MTMR8: variants seen among roughly 807,000 people sequenced by gnomAD.
MTMR8 encodes phosphatidylinositol-3,5-bisphosphate 3-phosphatase MTMR8.
In MTMR8, 65 loss-of-function variants were observed where a neutral mutation model predicts 39.3. The observed-to-expected ratio is 1.65, with a 90% CI of 1.35 to 2.03. The LOEUF (loss-of-function observed/expected upper bound fraction) is 2.03, where lower values mean the gene tolerates loss of function less well. MTMR8 is among the 30% of genes most tolerant of loss of function. The probability of loss-of-function intolerance (pLI) is 0.00; values close to 1 mark genes in which losing one functional copy is unlikely to be tolerated. For synonymous variants in MTMR8, 245 were observed against 185.2 expected, an observed-to-expected ratio of 1.32 and a Z score of -2.62; for missense variants, 777 against 538.9, an observed-to-expected ratio of 1.44 and a Z score of -4.37.
chrX:64,331,497 C>T lies in MTMR8; in HGVS notation c.1352+60G>A, dbSNP rs1208218928. The T allele has an allele frequency of 1.9e-5, 20 of 1,064,573 alleles. No homozygotes were observed. In the East Asian group the frequency reaches 6.0e-4, roughly 32 times the overall value. 87.7% of individuals were successfully genotyped at this position (1,064,573 alleles called of 1,213,427 possible). On this transcript the variant is annotated intron_variant, in intron 11 of 13. Transcript: ENST00000374852. Reference sequence around the variant, plus strand: ...TATGCCAAATTCAGGGTGGTAGGTACATTCTTTTTGCACTGACCACCTTCT... The same window carrying T: ...TATGCCAAATTCAGGGTGGTAGGTATATTCTTTTTGCACTGACCACCTTCT...
intron 11 of MTMR8, 169 bp downstream of exon 11, chrX:64,331,388 T>A (rs1262798530): frequency 2.6e-5 from 12 of 454,143 alleles, no homozygotes; most frequent in Non-Finnish European, 4.3e-5. Context: ...CTTAGGGTTC[T>A]GAGAGATCTC....
At chrX:64,269,067 T>A (rs760734201) in intron 13 of MTMR8, 24 bp from the exon 14 acceptor site, 1 of 1,192,119 alleles carries the variant, frequency 8.4e-7, no homozygotes, top group Non-Finnish European at 1.1e-6. Flanking sequence ...AAGAAAGGGT[T>A]GAGAAGAATT....
chrX:64,304,958 A>G (rs1249625295), intron 12 of MTMR8: 2 of 89,938 alleles, frequency 2.2e-5, no homozygotes, highest in Non-Finnish European at 4.3e-5. Flanking sequence ...ATAAACATAT[A>G]TATATGTATA....
At chrX:64,359,565 C>A (rs757200070) in intron 1 of MTMR8, 38 bp from the exon 2 acceptor site, 2 of 1,165,556 alleles carry the variant, frequency 1.7e-6, no homozygotes, top group South Asian at 1.9e-5. Context: ...AAGTTACCAA[C>A]TCACCACCTA....
At chrX:64,377,981 C>T (rs1306036180) in intron 1 of MTMR8, among the ~76,000 whole-genome samples, 1 of 111,638 alleles carries the variant, frequency 9.0e-6, no homozygotes, top group Non-Finnish European at 1.9e-5. Context: ...TCCCCTTTTG[C>T]TCTGTCTCTC....
intron 12 of MTMR8, chrX:64,305,874 G>T: frequency 3.8e-6 from 1 of 266,102 alleles, no homozygotes; most frequent in Admixed American, 4.9e-5. Context: ...CTAGCACTTT[G>T]GGAGGCTGAG....
intron 12 of MTMR8, among the ~76,000 whole-genome samples, chrX:64,294,970 A>G (rs1447693127): frequency 9.0e-6 from 1 of 111,228 alleles, no homozygotes; most frequent in African/African-American, 3.3e-5. Flanking sequence ...TACCTTTGGA[A>G]CTCAGAAGGG....
Position 64,395,430 on chromosome X carries a change from C to T in MTMR8, c.-67G>A. ...GATGCCGCCGCCACCGGTCTAGCCG[C>T]CTCCTGCCTCAACCCGGGTTTCTAC... On this transcript the variant is annotated 5_prime_UTR_variant, in exon 1 of 14. Coordinates refer to ENST00000374852, the MANE Select transcript of MTMR8 (RefSeq NM_017677.4). The T allele has an allele frequency of 8.9e-7, 1 of 1,126,639 alleles. No homozygotes were observed. The highest frequency in any genetic ancestry group is 1.2e-6 in the Non-Finnish European group (1 of 823,519). 92.8% of individuals were successfully genotyped at this position (1,126,639 alleles called of 1,213,427 possible). A position where few individuals can be genotyped will look rare whatever the true frequency, so the allele number is the denominator to read the frequency against.
At chrX:64,395,164 C>A (rs1244233585) in intron 1 of MTMR8, among the ~76,000 whole-genome samples, 176 bp downstream of exon 1, 1 of 111,100 alleles carries the variant, frequency 9.0e-6, no homozygotes, top group African/African-American at 3.3e-5. Flanking sequence ...GCAAGCAGAT[C>A]CTAAGAAGAG....
intron 12 of MTMR8, among the ~76,000 whole-genome samples, chrX:64,294,015 C>G (rs1446222129): frequency 9.0e-6 from 1 of 111,491 alleles, no homozygotes; most frequent in African/African-American, 3.3e-5. Flanking sequence ...AAATACGGCA[C>G]AGTACAAGCT....
chrX:64,280,896 C>A (rs1317081877), intron 12 of MTMR8, among the ~76,000 whole-genome samples: 1 of 111,036 alleles, frequency 9.0e-6, no homozygotes, highest in African/African-American at 3.3e-5. Flanking sequence ...CATTGCTATA[C>A]CACCCCCAAC....
In MTMR8 at chrX:64,377,310, G is replaced by T. The variant is rs985374544; in HGVS notation, c.25-17783C>A. ...AGAATGGTAGATCCACCCACAGCTT[G>T]CACTGTGCACCTGGAAAAGATCCAC... On this transcript the variant is annotated intron_variant, in intron 1 of 13. Transcript: ENST00000374852. 2.7e-5 allele frequency among the ~76,000 whole-genome samples: 3 copies of T among 111,876 alleles called. No homozygotes were observed. In the East Asian group the frequency reaches 8.5e-4, roughly 32 times the overall value.
intron 1 of MTMR8, among the ~76,000 whole-genome samples, chrX:64,367,918 G>A: frequency 8.9e-6 from 1 of 111,910 alleles, no homozygotes; most frequent in Non-Finnish European, 1.9e-5. Flanking sequence ...AAGGTCTCAG[G>A]ATACAAAATC....
rs760218298 is a variant in MTMR8, at chrX:64,391,226, C to CT, written c.24+4113dup. Reference sequence around the variant, plus strand: ...TACAATCTATAAAATCTTTCACTGTCTTTTTTTTCTACCCACACAAATGTA... The same window carrying CT: ...TACAATCTATAAAATCTTTCACTGTCTTTTTTTTTCTACCCACACAAATGTA... On this transcript the variant is annotated intron_variant, in intron 1 of 13. Coordinates refer to ENST00000374852, the MANE Select transcript of MTMR8 (RefSeq NM_017677.4). Among the ~76,000 whole-genome samples, 128 of 111,891 alleles carry CT rather than the reference C, an allele frequency of 1.1e-3. No homozygotes were observed. The South Asian group carries it at 0.016, about 14-fold the overall frequency.
In MTMR8 at chrX:64,356,264, G is replaced by A; in HGVS notation, c.222C>T (p.Cys74=). The change falls in exon 3 of 14, where the codon TGC becomes TGT. Residue 74 remains cysteine (C), a synonymous_variant. Coordinates refer to ENST00000374852, the MANE Select transcript of MTMR8 (RefSeq NM_017677.4). ...CAAAGTGGGCCACCCGGAAATTCTT[G>A]CAGCGGAGGGTCAGGGGACAACCCA... is the stretch of plus-strand genomic sequence containing the variant. The part of the protein sequence containing the change: ...TSLGCPLTLR[C]KNFRVAHFVL... 1.7e-5 allele frequency: 21 copies of A among 1,209,773 alleles called. No individual in the cohort carries two copies. Among genetic ancestry groups the A allele is most frequent in the Non-Finnish European group, 2.2e-5 (20 of 894,325 alleles).
chrX:64,331,894 A>G (rs1427753686), intron 10 of MTMR8, 137 bp from the exon 11 acceptor site: 1 of 501,217 alleles, frequency 2.0e-6, no homozygotes, highest in Non-Finnish European at 3.3e-6. Context: ...AATGCCAGCC[A>G]GAATCTCAAA....
At chrX:64,370,344 TAATTTTCATTTACAAAATGAA>T (rs1475191818) in intron 1 of MTMR8, among the ~76,000 whole-genome samples, 1 of 109,654 alleles carries the variant, frequency 9.1e-6, no homozygotes, top group African/African-American at 3.3e-5. Flanking sequence ...TTAGATGTCA[TAATTTTCATTTACAAAATGAA>T]AATTTTCATT....
At chrX:64,315,771 G>A (rs1001926587) in intron 12 of MTMR8, among the ~76,000 whole-genome samples, 1 of 111,494 alleles carries the variant, frequency 9.0e-6, no homozygotes, top group African/African-American at 3.3e-5. Flanking sequence ...CCATGTTATT[G>A]TTTTTGTTTG....
chrX:64,358,843 GCACACACACA>G (rs762422321), intron 2 of MTMR8, among the ~76,000 whole-genome samples: 173 of 91,164 alleles, frequency 1.9e-3, no homozygotes, highest in South Asian at 0.012. Context: ...GCCCGTGCAT[GCACACACACA>G]CACACACACA....
Sources: allele counts gnomAD v4.1 joint callset (sites outside exome capture counted in the v4.1 genomes callset), GRCh38; gene constraint gnomAD v4.1.1; transcripts MANE v1.5; gene names NCBI Gene and HGNC (gene_info 2026-07-23, HGNC 2026-07-21).